RNF150: variants seen among roughly 807,000 people sequenced by gnomAD.
RNF150 encodes ring finger protein 150.
In RNF150, 24 loss-of-function variants were observed where a neutral mutation model predicts 39.3. The ratio of observed to expected loss-of-function variants is 0.61; its 90% CI spans 0.44 to 0.86. RNF150 has a LOEUF of 0.86. Ranked by LOEUF, RNF150 falls within the 40% of genes least tolerant of loss-of-function variation. RNF150 has a pLI of 0.00. For synonymous variants in RNF150, 255 were observed against 227.3 expected (o/e 1.12, Z -1.10); for missense variants, 502 against 587.8 (o/e 0.85, Z 1.51).
chr4:141,064,516 T>C (rs1394930148), intron 1 of RNF150, among the ~76,000 whole-genome samples: 1 of 152,096 alleles, frequency 6.6e-6, no homozygotes, highest in African/African-American at 2.4e-5. Context: ...GGCAGGAGGA[T>C]CACTTGAGCT....
upstream of RNF150, among the ~76,000 whole-genome samples, chr4:141,136,224 A>G (rs964271641): frequency 3.3e-5 from 5 of 152,318 alleles, no homozygotes; most frequent in African/African-American, 4.8e-5. Context: ...TATTTTATCA[A>G]TGGTGAATTC....
chr4:141,164,326 T>A (rs1727564927), intron 1 of RNF150, among the ~76,000 whole-genome samples: 1 of 152,110 alleles, frequency 6.6e-6, no homozygotes. Flanking sequence ...AACCTACGTT[T>A]GACTGGTATA....
chr4:140,986,169 CT>C (rs1175470307), intron 1 of RNF150, among the ~76,000 whole-genome samples: 1 of 152,062 alleles, frequency 6.6e-6, no homozygotes, highest in East Asian at 1.9e-4. Context: ...CAACGTTACC[CT>C]CTTTAAAAGC....
At chr4:141,045,638 G>A (rs934183429) in intron 1 of RNF150, among the ~76,000 whole-genome samples, 72 of 152,030 alleles carry the variant, frequency 4.7e-4, no homozygotes, top group Non-Finnish European at 8.2e-4. Context: ...CCGCCTCCCG[G>A]TTTCAAGCAA....
At chr4:141,121,787 C>T (rs774177747) in intron 1 of RNF150, among the ~76,000 whole-genome samples, 3 of 152,104 alleles carry the variant, frequency 2.0e-5, no homozygotes, top group Non-Finnish European at 2.9e-5. Flanking sequence ...ATTTTATTCA[C>T]GTAGGATTTT....
Position 141,070,026 on chromosome 4 carries a change from AT to A in RNF150, c.484+62298del, listed in dbSNP as rs964227384. ...AAAAAACCAGCTCCTGGATTCATTGATTTTTTGAAGGGTTTTTTGTGTCTCT... is the reference window on the plus strand; with the variant it reads ...AAAAAACCAGCTCCTGGATTCATTGATTTTTGAAGGGTTTTTTGTGTCTCT... On this transcript the variant is annotated intron_variant, in intron 1 of 6. Transcript: ENST00000515673. Among the ~76,000 whole-genome samples, 22 of 152,006 alleles carry A rather than the reference AT, an allele frequency of 1.4e-4. 1 individual carries two copies. The highest frequency in any genetic ancestry group is 1.4e-3 in the Admixed American group (21 of 15,264).
At chr4:140,998,528 T>G (rs1472630127) in intron 1 of RNF150, among the ~76,000 whole-genome samples, 1 of 152,210 alleles carries the variant, frequency 6.6e-6, no homozygotes, top group Non-Finnish European at 1.5e-5. Flanking sequence ...ACCCAGACTG[T>G]GGCATTTTGT....
chr4:140,891,952 T>C (rs1729768200), intron 6 of RNF150, among the ~76,000 whole-genome samples: 1 of 152,132 alleles, frequency 6.6e-6, no homozygotes, highest in African/African-American at 2.4e-5. Flanking sequence ...AACAGTTTCA[T>C]CCCGAAAGCA....
At chr4:141,052,081 C>T (rs1736798384) in intron 1 of RNF150, among the ~76,000 whole-genome samples, 1 of 152,094 alleles carries the variant, frequency 6.6e-6, no homozygotes, top group African/African-American at 2.4e-5. Flanking sequence ...ACCATCAGAT[C>T]TCATGAGACT....
chr4:141,176,245 C>T (rs1014149788), intron 1 of RNF150, among the ~76,000 whole-genome samples: 2 of 152,068 alleles, frequency 1.3e-5, no homozygotes, highest in African/African-American at 4.8e-5. Context: ...AGGGGTCCAA[C>T]CTTATGGTAT....
intron 2 of RNF150, among the ~76,000 whole-genome samples, chr4:140,965,018 A>C (rs1733181387): frequency 6.6e-6 from 1 of 152,150 alleles, no homozygotes. Flanking sequence ...AAAAAAAATA[A>C]TGTCAGCTCT....
intron 1 of RNF150, among the ~76,000 whole-genome samples, chr4:141,053,221 A>G (rs971100612): frequency 1.1e-4 from 16 of 152,204 alleles, no homozygotes; most frequent in Non-Finnish European, 2.4e-4. Flanking sequence ...ATTTCCTGAT[A>G]CATACTCGAT....
intron 1 of RNF150, among the ~76,000 whole-genome samples, chr4:141,122,521 AG>A (rs1484390528): frequency 1.3e-5 from 2 of 152,236 alleles, no homozygotes; most frequent in African/African-American, 4.8e-5. Context: ...ACTGCTCTAC[AG>A]CTACACATGA....
At chr4:141,169,230 C>T (rs901182067) in intron 1 of RNF150, among the ~76,000 whole-genome samples, 7 of 152,012 alleles carry the variant, frequency 4.6e-5, no homozygotes, top group South Asian at 4.2e-4. Context: ...TGTGTAGCAC[C>T]GCCCCCTTTT....
chr4:141,038,861 A>C (rs571348850), intron 1 of RNF150, among the ~76,000 whole-genome samples: 1 of 152,160 alleles, frequency 6.6e-6, no homozygotes, highest in Non-Finnish European at 1.5e-5. Flanking sequence ...AGGCCCCCTA[A>C]TGCCAGAAGA....
intron 5 of RNF150, among the ~76,000 whole-genome samples, chr4:140,912,973 A>C (rs56061349): frequency 1.1e-5 from 1 of 87,920 alleles, no homozygotes. Flanking sequence ...AAAAAAAAAA[A>C]AAAAAAAAAA....
At chr4:140,890,502 G>A (rs1210925134) in intron 6 of RNF150, among the ~76,000 whole-genome samples, 1 of 152,184 alleles carries the variant, frequency 6.6e-6, no homozygotes, top group Non-Finnish European at 1.5e-5. Context: ...GAAGGTGGGG[G>A]TTTGGGGAGG....
intron 6 of RNF150, among the ~76,000 whole-genome samples, chr4:140,896,887 T>A (rs746260313): frequency 2.6e-5 from 4 of 152,108 alleles, no homozygotes; most frequent in Admixed American, 2.0e-4. Context: ...GAAGCCATTA[T>A]TATAATAATC....
chr4:141,159,953 G>A (rs1178960273), intron 1 of RNF150, among the ~76,000 whole-genome samples: 4 of 151,574 alleles, frequency 2.6e-5, no homozygotes, highest in Non-Finnish European at 2.9e-5. Flanking sequence ...GTTACAATTC[G>A]CAACAATTGT....
Sources: gnomAD v4.1 joint callset for allele counts (sites outside exome capture counted in the v4.1 genomes callset) on GRCh38, gnomAD v4.1.1 for gene constraint, MANE v1.5 for transcripts, NCBI Gene and HGNC (gene_info 2026-07-23, HGNC 2026-07-21) for gene names.